Variants in BTN2A1 observed in about 807,000 individuals in gnomAD.
BTN2A1 encodes the protein butyrophilin, subfamily 2, member A1.
BTN2A1 carries 41 observed loss-of-function variants against 34.5 expected under a neutral mutation model. The observed-to-expected ratio is 1.19, with a 90% CI of 0.93 to 1.54. The LOEUF (loss-of-function observed/expected upper bound fraction) is 1.54, where lower values mean the gene tolerates loss of function less well. Among genes scored for constraint, BTN2A1 ranks in the 40% most tolerant of loss-of-function variants. The pLI, the probability that BTN2A1 is intolerant of heterozygous loss-of-function variation, is 0.00. For synonymous variants in BTN2A1, 267 were observed against 258.6 expected (o/e 1.03, Z -0.31); for missense variants, 642 against 662.0 (o/e 0.97, Z 0.33).
chr6:26,463,752 TTG>T (rs1351699610), intron 4 of BTN2A1, among the ~76,000 whole-genome samples: 6 of 85,004 alleles, frequency 7.1e-5, no homozygotes, highest in African/African-American at 5.3e-4. Flanking sequence ...CCTGTTTTTG[TTG>T]TTGTTGTTGT....
chr6:26,471,450 G>A (rs1482339893), downstream of BTN2A1, among the ~76,000 whole-genome samples: 3 of 152,200 alleles, frequency 2.0e-5, no homozygotes, highest in Non-Finnish European at 2.9e-5. Flanking sequence ...AAGATGGGCC[G>A]GGCACGGTGG....
In BTN2A1 at chr6:26,468,155, A is replaced by G. The variant is rs1370667503; in HGVS notation, c.1190A>G (p.Glu397Gly). 6.2e-7 allele frequency: 1 copy of G among 1,614,008 alleles called. No individual in the cohort carries two copies. The highest frequency in any genetic ancestry group is 8.5e-7 in the Non-Finnish European group (1 of 1,180,014). ...GAGGTGGAGGTGGAAAACGTGATTG[A>G]GTGGACTGTGGGGGTCTGTAGAGAC... Reference protein sequence around the residue: ...YWEVEVENVIEWTVGVCRDSV... With the variant: ...YWEVEVENVIGWTVGVCRDSV... Residue 397 changes from glutamate to glycine, a missense_variant, in exon 8 of 8, where the codon GAG becomes GGG. Transcript: ENST00000312541.
intron 7 of BTN2A1, chr6:26,467,723 C>T: frequency 1.3e-6 from 2 of 1,591,956 alleles, no homozygotes; most frequent in Non-Finnish European, 1.7e-6. Flanking sequence ...TCTTAGAGCT[C>T]CAATTCTTCT....
At chr6:26,471,929 C>A (rs1763460214), downstream of BTN2A1, among the ~76,000 whole-genome samples, 3 of 152,202 alleles carry the variant, frequency 2.0e-5, no homozygotes, top group South Asian at 6.2e-4. Flanking sequence ...TGAAGAGTTT[C>A]ATGATACACT....
At chr6:26,472,183 A>ATTTTCT (rs1763464215), downstream of BTN2A1, among the ~76,000 whole-genome samples, 1 of 152,176 alleles carries the variant, frequency 6.6e-6, no homozygotes, top group Non-Finnish European at 1.5e-5. Context: ...CCCAGCTCCA[A>ATTTTCT]AGTCCATATT....
intron 3 of BTN2A1, 110 bp from the exon 4 acceptor site, chr6:26,463,134 A>T: frequency 7.8e-7 from 1 of 1,278,482 alleles, no homozygotes; most frequent in South Asian, 1.6e-5. Context: ...CTTGTTTCCT[A>T]TCTCCCTCTT....
chr6:26,458,207 T>C (rs560759983), intron 1 of BTN2A1, 65 bp downstream of exon 1: 2 of 177,842 alleles, frequency 1.1e-5, no homozygotes, highest in South Asian at 2.3e-4. Context: ...AAGCGGGGTC[T>C]GCTGTGGACA....
At chr6:26,469,882 A>G (rs1763418747), downstream of BTN2A1, among the ~76,000 whole-genome samples, 1 of 151,262 alleles carries the variant, frequency 6.6e-6, no homozygotes, top group African/African-American at 2.5e-5. Flanking sequence ...GTCTCTACCA[A>G]AAACAAACAA....
At chr6:26,472,037 A>G (rs12211872), downstream of BTN2A1, among the ~76,000 whole-genome samples, 13,703 of 152,284 alleles carry the variant, frequency 0.09, 746 homozygotes, top group Admixed American at 0.13. Flanking sequence ...GTCAATAAAT[A>G]TGGATGGTGG....
Position 26,469,143 on chromosome 6 carries a change from A to G in BTN2A1, c.*594A>G. The G allele has an allele frequency of 2.8e-6, 3 of 1,078,316 alleles. No individual in the cohort carries two copies. Among genetic ancestry groups the G allele is most frequent in the Non-Finnish European group, 3.4e-6 (3 of 885,114 alleles). 66.8% of individuals were successfully genotyped at this position (1,078,316 alleles called of 1,614,324 possible). On this transcript the variant is annotated 3_prime_UTR_variant, in exon 8 of 8. Coordinates refer to ENST00000312541, the MANE Select transcript of BTN2A1 (RefSeq NM_007049.5). ...CCCAGGATTTCCAGAGCGCACATCC[A>G]CAGGCCTGGACCTGGGATGAAGATG...
At position 26,468,434 on chromosome 6, in the gene BTN2A1, T is replaced by C; in HGVS notation, c.1469T>C (p.Leu490Ser). The C allele has an allele frequency of 6.2e-7, 1 of 1,614,102 alleles. No homozygotes were observed. Among genetic ancestry groups the C allele is most frequent in the Non-Finnish European group, 8.5e-7 (1 of 1,179,986 alleles). The part of the protein sequence containing the change: ...FSVPVRPFFR[L>S]GCEDSPIFIC... Reference sequence around the variant, plus strand: ...GTGCCTGTGAGGCCCTTCTTCAGGTTGGGGTGTGAGGACAGCCCCATCTTC... The same window carrying C: ...GTGCCTGTGAGGCCCTTCTTCAGGTCGGGGTGTGAGGACAGCCCCATCTTC... Residue 490 changes from leucine to serine, a missense_variant, in exon 8 of 8, where the codon TTG (leucine) becomes TCG (serine). Physicochemically the swap from Leu to Ser is moderately radical, Grantham distance 145 (BLOSUM62 -2). Coordinates refer to ENST00000312541, the MANE Select transcript of BTN2A1 (RefSeq NM_007049.5).
At chr6:26,461,677 G>A (rs1763167647) in intron 3 of BTN2A1, among the ~76,000 whole-genome samples, 1 of 152,154 alleles carries the variant, frequency 6.6e-6, no homozygotes, top group Non-Finnish European at 1.5e-5. Flanking sequence ...CAGCTACTTG[G>A]GAGGCTGAGG....
In BTN2A1 at chr6:26,459,455, T is replaced by C. The variant is rs1434326680; in HGVS notation, c.83-26T>C. 6 of 1,604,374 alleles carry C rather than the reference T, an allele frequency of 3.7e-6. No homozygotes were observed. In the Admixed American group the frequency reaches 1.0e-4, roughly 27 times the overall value. On this transcript the variant is annotated intron_variant, in intron 2 of 7. Transcript: ENST00000312541. ...AGAGATGTGATGGCTGGTGTCTTTG[T>C]CTGACTCTACCCCTTTGTTGAACAG...
intron 3 of BTN2A1, among the ~76,000 whole-genome samples, chr6:26,460,750 A>G (rs1428680010): frequency 1.3e-5 from 2 of 152,044 alleles, no homozygotes; most frequent in African/African-American, 4.8e-5. Context: ...TCTACTAAAA[A>G]TACAGAAACA....
intron 3 of BTN2A1, 99 bp downstream of exon 3, chr6:26,459,927 T>C (rs1763117917): frequency 7.5e-6 from 3 of 398,320 alleles, no homozygotes; most frequent in Non-Finnish European, 8.0e-6. Flanking sequence ...CAAATTTTTG[T>C]CTGGACTCCC....
In BTN2A1 at chr6:26,463,564, G is replaced by A. The variant is rs751068433; in HGVS notation, c.712+39G>A. 5 of 1,587,646 alleles carry A rather than the reference G, an allele frequency of 3.1e-6. No homozygotes were observed. In the African/African-American group the frequency reaches 5.4e-5, roughly 17 times the overall value. ...CCTCTGAGACTCGTCGAGTGCATGG[G>A]GGATCCTCAGCACACAGATGGAGCC... On this transcript the variant is annotated intron_variant, in intron 4 of 7. Coordinates refer to ENST00000312541, the MANE Select transcript of BTN2A1 (RefSeq NM_007049.5).
chr6:26,464,887 G>C (rs1206129983), intron 4 of BTN2A1, among the ~76,000 whole-genome samples: 1 of 152,178 alleles, frequency 6.6e-6, no homozygotes, highest in Non-Finnish European at 1.5e-5. Context: ...CAGTATTCCA[G>C]GCGTGAGTGA....
At chr6:26,463,208 A>G in intron 3 of BTN2A1, 36 bp from the exon 4 acceptor site, 1 of 1,536,886 alleles carries the variant, frequency 6.5e-7, no homozygotes, top group Non-Finnish European at 8.7e-7. Context: ...TGCAAAAGGC[A>G]CTGACTTTTG....
chr6:26,476,368 G>T, exon 8 of BTN2A1: 1 of 744,772 alleles, frequency 1.3e-6, no homozygotes, highest in Non-Finnish European at 2.5e-6. Flanking sequence ...GCTCCAGAAA[G>T]GTCGAAGATG....
Sources: allele counts gnomAD v4.1 joint callset (sites outside exome capture counted in the v4.1 genomes callset), GRCh38; gene constraint gnomAD v4.1.1; transcripts MANE v1.5; gene names NCBI Gene and HGNC (gene_info 2026-07-23, HGNC 2026-07-21).